Variants in GRIP1 observed in about 807,000 individuals in gnomAD.
The protein encoded by GRIP1 is glutamate receptor interacting protein 1.
GRIP1 carries 45 observed loss-of-function variants against 129.9 expected under a neutral mutation model. That is an observed-to-expected ratio of 0.35 (90% confidence interval 0.27 to 0.44). The LOEUF (loss-of-function observed/expected upper bound fraction) is 0.44. Among genes scored for constraint, GRIP1 ranks in the 20% least tolerant of loss-of-function variants. GRIP1 has a pLI of 1.00. For synonymous variants in GRIP1, 530 were observed against 520.8 expected, an observed-to-expected ratio of 1.02 and a Z score of -0.24; for missense variants, 1,196 against 1,396.8, an observed-to-expected ratio of 0.86 and a Z score of 2.29.
At chr12:66,666,277 T>C (rs530922199) in intron 1 of GRIP1, among the ~76,000 whole-genome samples, 30 of 152,238 alleles carry the variant, frequency 2.0e-4, no homozygotes, top group Non-Finnish European at 3.5e-4. Flanking sequence ...GGAGATGCAT[T>C]CTATGTTCCT....
intron 1 of GRIP1, among the ~76,000 whole-genome samples, chr12:66,828,637 A>G (rs749794247): frequency 2.6e-5 from 4 of 152,178 alleles, no homozygotes; most frequent in Admixed American, 1.3e-4. Context: ...TCTTTCTTAT[A>G]AAGAAAGTTT....
At chr12:66,882,457 T>C (rs1179025493) in intron 1 of GRIP1, among the ~76,000 whole-genome samples, 1 of 152,192 alleles carries the variant, frequency 6.6e-6, no homozygotes, top group Non-Finnish European at 1.5e-5. Flanking sequence ...CCAGCCGAGC[T>C]GAACCGAAGC....
At chr12:66,959,383 G>A (rs1348885942) in intron 1 of GRIP1, among the ~76,000 whole-genome samples, 1 of 152,024 alleles carries the variant, frequency 6.6e-6, no homozygotes, top group East Asian at 1.9e-4. Context: ...CATTATGTGA[G>A]CCAATCTAAA....
At chr12:66,488,689 CT>C (rs1179157015) in intron 7 of GRIP1, among the ~76,000 whole-genome samples, 16 of 130,496 alleles carry the variant, frequency 1.2e-4, no homozygotes, top group Non-Finnish European at 2.6e-4. Flanking sequence ...CTAGGAGCTG[CT>C]TTTTTGAAAA....
intron 1 of GRIP1, among the ~76,000 whole-genome samples, chr12:67,049,286 T>C (rs1183615884): frequency 6.6e-6 from 1 of 152,202 alleles, no homozygotes; most frequent in Non-Finnish European, 1.5e-5. Context: ...CCATAGACTT[T>C]GAGGACAGGT....
intron 1 of GRIP1, among the ~76,000 whole-genome samples, chr12:67,013,817 T>TA (rs2042744720): frequency 6.6e-6 from 1 of 152,192 alleles, no homozygotes; most frequent in Admixed American, 6.6e-5. Context: ...ACCATGGTAA[T>TA]AGCAGAGTAA....
chr12:66,441,986 T>G (rs1046078852), intron 13 of GRIP1, among the ~76,000 whole-genome samples: 3 of 152,106 alleles, frequency 2.0e-5, no homozygotes, highest in Non-Finnish European at 4.4e-5. Flanking sequence ...TGTCTCCAAT[T>G]CCAGCACTAC....
intron 1 of GRIP1, among the ~76,000 whole-genome samples, chr12:66,685,618 A>C (rs2034753260): frequency 6.6e-6 from 1 of 152,188 alleles, no homozygotes; most frequent in Non-Finnish European, 1.5e-5. Context: ...GGAAAGAAAC[A>C]CAGCTACTTC....
intron 3 of GRIP1, among the ~76,000 whole-genome samples, chr12:66,540,122 G>A (rs1269268083): frequency 2.6e-5 from 4 of 152,074 alleles, no homozygotes; most frequent in South Asian, 2.1e-4. Flanking sequence ...CAACTTAACC[G>A]CCTAATGCTC....
At chr12:66,578,483 C>A (rs2063229540) in intron 2 of GRIP1, among the ~76,000 whole-genome samples, 1 of 152,144 alleles carries the variant, frequency 6.6e-6, no homozygotes. Context: ...TGCAAGGGGT[C>A]AGGGAGTTCC....
At chr12:66,745,739 C>A (rs1384634588) in intron 1 of GRIP1, among the ~76,000 whole-genome samples, 1 of 151,986 alleles carries the variant, frequency 6.6e-6, no homozygotes, top group East Asian at 1.9e-4. Context: ...GTCAGAAACA[C>A]CAAAGGAAAG....
intron 1 of GRIP1, among the ~76,000 whole-genome samples, chr12:66,959,181 C>A (rs1214778989): frequency 6.6e-6 from 1 of 152,048 alleles, no homozygotes; most frequent in Admixed American, 6.6e-5. Context: ...ATATATTTAA[C>A]CATCTTTCTC....
chr12:67,068,613 G>A (rs7298268), intron 1 of GRIP1, among the ~76,000 whole-genome samples: 117,694 of 151,702 alleles, frequency 0.78, 47,286 homozygotes, highest in South Asian at 0.9. Context: ...GGGACAACGC[G>A]AGGGTGGCCG....
chr12:66,495,682 C>A (rs963654514), intron 7 of GRIP1, among the ~76,000 whole-genome samples: 4 of 151,892 alleles, frequency 2.6e-5, no homozygotes, highest in African/African-American at 9.7e-5. Context: ...GAGAATTCTG[C>A]GGGAAAGGCT....
At chr12:66,695,680 C>A (rs567417235) in intron 1 of GRIP1, among the ~76,000 whole-genome samples, 1 of 152,126 alleles carries the variant, frequency 6.6e-6, no homozygotes, top group African/African-American at 2.4e-5. Flanking sequence ...TAAGGAGCTT[C>A]TTGGGGAGGG....
intron 1 of GRIP1, among the ~76,000 whole-genome samples, chr12:66,747,773 CTG>C (rs768138434): frequency 6.6e-6 from 1 of 151,992 alleles, no homozygotes; most frequent in Admixed American, 6.6e-5. Flanking sequence ...CTTGTGAACT[CTG>C]TGAAATGTAC....
intron 2 of GRIP1, among the ~76,000 whole-genome samples, chr12:66,577,051 C>T (rs1323256977): frequency 8.5e-5 from 13 of 152,164 alleles, no homozygotes; most frequent in Admixed American, 8.5e-4. Context: ...TTGGCTGCTC[C>T]ATGCTAAAGA....
intron 5 of GRIP1, among the ~76,000 whole-genome samples, chr12:66,523,311 T>A (rs1216469591): frequency 6.7e-6 from 1 of 149,298 alleles, no homozygotes; most frequent in Non-Finnish European, 1.5e-5. Flanking sequence ...GGGAAGCCCA[T>A]CAGATTAACA....
At chr12:66,563,181 T>C (rs1592555972) in intron 2 of GRIP1, among the ~76,000 whole-genome samples, 1 of 152,060 alleles carries the variant, frequency 6.6e-6, no homozygotes, top group East Asian at 1.9e-4. Context: ...ATATACACTG[T>C]GTGTGTGTAT....
Sources: allele counts gnomAD v4.1 joint callset (sites outside exome capture counted in the v4.1 genomes callset), GRCh38; gene constraint gnomAD v4.1.1; transcripts MANE v1.5; gene names NCBI Gene and HGNC (gene_info 2026-07-23, HGNC 2026-07-21).